The following CDH13 variants were observed in gnomAD, a reference collection of about 807,000 sequenced individuals.
CDH13 encodes cadherin 13, also known as cadherin-13.
In CDH13, 24 loss-of-function variants were observed where a neutral mutation model predicts 63.8. That is an observed-to-expected ratio of 0.38 (90% confidence interval 0.27 to 0.53). The LOEUF (loss-of-function observed/expected upper bound fraction) is 0.53, where lower values mean the gene tolerates loss of function less well. Among genes scored for constraint, CDH13 ranks in the 20% least tolerant of loss-of-function variants. CDH13 has a pLI of 0.85. For missense variants in CDH13, 1,049 were observed against 903.1 expected, an observed-to-expected ratio of 1.16 and a Z score of -2.07; for synonymous variants, 503 against 355.3, an observed-to-expected ratio of 1.42 and a Z score of -4.67.
intron 4 of CDH13, among the ~76,000 whole-genome samples, chr16:83,151,628 G>A (rs567654111): frequency 6.6e-6 from 1 of 151,980 alleles, no homozygotes. Flanking sequence ...TTCAAGGATA[G>A]CTTTAAAAAA....
chr16:83,326,163 C>A (rs953094048), intron 5 of CDH13, among the ~76,000 whole-genome samples: 1 of 152,124 alleles, frequency 6.6e-6, no homozygotes, highest in Non-Finnish European at 1.5e-5. Context: ...ATTCATCTTT[C>A]CAGAACATGA....
intron 3 of CDH13, among the ~76,000 whole-genome samples, chr16:83,062,148 G>A (rs1431378849): frequency 1.3e-5 from 2 of 152,156 alleles, no homozygotes; most frequent in African/African-American, 2.4e-5. Flanking sequence ...GCCTGCTCTA[G>A]GAATAATGAT....
At chr16:82,986,240 A>T (rs1292104246) in intron 2 of CDH13, among the ~76,000 whole-genome samples, 1 of 152,164 alleles carries the variant, frequency 6.6e-6, no homozygotes, top group Non-Finnish European at 1.5e-5. Context: ...TCATATTGGT[A>T]CGTCTGAGCC....
intron 4 of CDH13, among the ~76,000 whole-genome samples, chr16:83,179,022 A>G (rs1348522984): frequency 6.6e-6 from 1 of 152,218 alleles, no homozygotes; most frequent in African/African-American, 2.4e-5. Flanking sequence ...CTATTTGTTC[A>G]TAGGACATGT....
chr16:83,018,538 A>G (rs1319816657), intron 2 of CDH13, among the ~76,000 whole-genome samples: 4 of 152,346 alleles, frequency 2.6e-5, no homozygotes, highest in African/African-American at 9.6e-5. Flanking sequence ...CCCAGTGACA[A>G]GCACATTATT....
In CDH13 at chr16:83,060,541, A is replaced by G. The variant is rs186599637; in HGVS notation, c.366+28323A>G. Among the ~76,000 whole-genome samples, 11 of 152,244 alleles carry G rather than the reference A, an allele frequency of 7.2e-5. No individual in the cohort carries two copies. The East Asian group carries it at 1.7e-3, about 24-fold the overall frequency. ...ATGTCATATTGCCTAATTCATAAAGAGGCCCAGAGAGGCAGTCGAGGTGTA... is the reference window on the plus strand; with the variant it reads ...ATGTCATATTGCCTAATTCATAAAGGGGCCCAGAGAGGCAGTCGAGGTGTA... On this transcript the variant is annotated intron_variant, in intron 3 of 13. Coordinates refer to ENST00000567109, the MANE Select transcript of CDH13 (RefSeq NM_001257.5).
chr16:83,409,286 A>G (rs1164852409), intron 6 of CDH13, among the ~76,000 whole-genome samples: 7 of 149,698 alleles, frequency 4.7e-5, no homozygotes, highest in Non-Finnish European at 1.1e-4. Flanking sequence ...TTCTTGACTG[A>G]TTGAAGGCTG....
At chr16:83,042,810 G>A (rs1479081487) in intron 3 of CDH13, among the ~76,000 whole-genome samples, 2 of 152,188 alleles carry the variant, frequency 1.3e-5, no homozygotes, top group African/African-American at 2.4e-5. Context: ...TATCGATCCT[G>A]CTTACATGAA....
intron 10 of CDH13, among the ~76,000 whole-genome samples, chr16:83,698,645 C>T (rs1905750606): frequency 6.6e-6 from 1 of 152,206 alleles, no homozygotes; most frequent in Non-Finnish European, 1.5e-5. Context: ...CCTAACTGAT[C>T]TTATGATCTA....
At chr16:82,753,601 C>A (rs1023038126) in intron 1 of CDH13, among the ~76,000 whole-genome samples, 4 of 152,168 alleles carry the variant, frequency 2.6e-5, no homozygotes, top group African/African-American at 4.8e-5. Context: ...TTCTTTATAG[C>A]CAAATGGAAG....
chr16:82,980,395 G>T (rs1910105619), intron 2 of CDH13, among the ~76,000 whole-genome samples: 1 of 152,176 alleles, frequency 6.6e-6, no homozygotes, highest in South Asian at 2.1e-4. Flanking sequence ...GGGAGGAGCT[G>T]GGTAAACAGA....
chr16:83,595,051 A>G (rs1232621838), intron 7 of CDH13, among the ~76,000 whole-genome samples: 4 of 152,240 alleles, frequency 2.6e-5, no homozygotes. Flanking sequence ...ATAGAAATGC[A>G]TGACTGCAGA....
chr16:82,660,445 C>CG (rs10714280), intron 1 of CDH13, among the ~76,000 whole-genome samples: 5 of 152,012 alleles, frequency 3.3e-5, no homozygotes, highest in Non-Finnish European at 5.9e-5. Context: ...CCGGGGCGTG[C>CG]GGGGAAACCC....
intron 7 of CDH13, among the ~76,000 whole-genome samples, chr16:83,582,334 GTA>G (rs749354421): frequency 5.1e-4 from 77 of 152,204 alleles, no homozygotes; most frequent in Non-Finnish European, 8.4e-4. Context: ...GAAAAAATAT[GTA>G]TGTTTTAAGG....
intron 5 of CDH13, among the ~76,000 whole-genome samples, chr16:83,276,047 C>T (rs2088977031): frequency 6.6e-6 from 1 of 152,074 alleles, no homozygotes; most frequent in South Asian, 2.1e-4. Flanking sequence ...AGAACCTGAA[C>T]ACCTAGGCCA....
intron 3 of CDH13, among the ~76,000 whole-genome samples, chr16:83,108,381 C>T (rs904565161): frequency 6.6e-6 from 1 of 152,182 alleles, no homozygotes; most frequent in Non-Finnish European, 1.5e-5. Context: ...AAAGACTGGG[C>T]TCACAGCCAC....
chr16:83,048,819 C>A (rs1473016367), intron 3 of CDH13, among the ~76,000 whole-genome samples: 3 of 152,146 alleles, frequency 2.0e-5, no homozygotes, highest in African/African-American at 7.2e-5. Context: ...AGCCTCCAAA[C>A]GTGGTCAAAT....
chr16:83,389,673 G>A (rs923093197), intron 6 of CDH13, among the ~76,000 whole-genome samples: 1 of 152,116 alleles, frequency 6.6e-6, no homozygotes, highest in Non-Finnish European at 1.5e-5. Flanking sequence ...GCTCTGTCCT[G>A]GGGTGCCTTT....
chr16:82,857,602 G>A (rs2039755852), intron 1 of CDH13, among the ~76,000 whole-genome samples: 1 of 152,194 alleles, frequency 6.6e-6, no homozygotes, highest in Admixed American at 6.5e-5. Flanking sequence ...TTAAGCATCT[G>A]CAAAGACAGA....
Sources: allele counts gnomAD v4.1 joint callset (sites outside exome capture counted in the v4.1 genomes callset), GRCh38; gene constraint gnomAD v4.1.1; transcripts MANE v1.5; gene names NCBI Gene and HGNC (gene_info 2026-07-23, HGNC 2026-07-21).